Variants in RSPH14 observed in about 807,000 individuals in gnomAD.
The protein encoded by RSPH14 is radial spoke head 14 homolog.
RSPH14 carries 20 observed loss-of-function variants against 26.7 expected under a neutral mutation model. The observed-to-expected ratio is 0.75, with a 90% confidence interval of 0.53 to 1.09. The LOEUF is 1.09. Ranked by LOEUF, RSPH14 falls within the 50% of genes least tolerant of loss-of-function variation. The pLI, the probability that RSPH14 is intolerant of heterozygous loss-of-function variation, is 0.00. For synonymous variants in RSPH14, 177 were observed against 189.3 expected, an observed-to-expected ratio of 0.93 and a Z score of 0.53; for missense variants, 449 against 457.2, an observed-to-expected ratio of 0.98 and a Z score of 0.16.
chr22:23,141,958 C>G lies in RSPH14; in HGVS notation c.-62G>C, dbSNP rs925354644. On this transcript the variant is annotated 5_prime_UTR_variant, in exon 1 of 7. Coordinates refer to ENST00000216036, the MANE Select transcript of RSPH14 (RefSeq NM_014433.3). ...ACCACCGCCGCCTCACCTGCCTCCG[C>G]AGCCCTTTCTGCTTCCAGTAGCCCG... 3.0e-6 allele frequency: 3 copies of G among 985,578 alleles called. No homozygotes were observed. In the East Asian group the frequency reaches 3.4e-4, roughly 112 times the overall value. The allele number at this position is 985,578 out of a possible 1,614,324, so 61.1% of individuals were successfully genotyped here.
At chr22:23,125,901 C>T (rs755697838) in intron 4 of RSPH14, among the ~76,000 whole-genome samples, 2 of 151,894 alleles carry the variant, frequency 1.3e-5, no homozygotes, top group Non-Finnish European at 2.9e-5. Flanking sequence ...AGTGGGGGGT[C>T]GGCAGGCACA....
the RSPH14 span, among the ~76,000 whole-genome samples, chr22:23,160,301 G>A: frequency 6.6e-6 from 1 of 152,162 alleles, no homozygotes; most frequent in Admixed American, 6.6e-5. Context: ...TTCACCGACA[G>A]CTCACTATGG....
intron 4 of RSPH14, among the ~76,000 whole-genome samples, chr22:23,066,831 C>T (rs2146220907): frequency 6.6e-6 from 1 of 152,224 alleles, no homozygotes; most frequent in South Asian, 2.1e-4. Context: ...CCAGAGCAGG[C>T]CAGGCTCTGG....
chr22:23,119,672 A>G (rs949453124), intron 4 of RSPH14, among the ~76,000 whole-genome samples: 2 of 152,240 alleles, frequency 1.3e-5, no homozygotes, highest in African/African-American at 4.8e-5. Flanking sequence ...GTGAAGGCTC[A>G]GCCTGCGTCA....
chr22:23,167,775 C>T, the RSPH14 span, among the ~76,000 whole-genome samples: 18 of 151,978 alleles, frequency 1.2e-4, no homozygotes, highest in Non-Finnish European at 2.4e-4. Context: ...CTCAAACTCC[C>T]GGTCTCAAGC....
chr22:23,134,869 G>T (rs756867850), intron 3 of RSPH14, among the ~76,000 whole-genome samples: 3 of 150,856 alleles, frequency 2.0e-5, no homozygotes, highest in Non-Finnish European at 3.0e-5. Flanking sequence ...TCTCAAAAAA[G>T]ACAAAAAAAA....
chr22:23,113,985 C>G (rs1484535180), intron 4 of RSPH14, among the ~76,000 whole-genome samples: 1 of 152,246 alleles, frequency 6.6e-6, no homozygotes, highest in Non-Finnish European at 1.5e-5. Flanking sequence ...CAAGGTGTCC[C>G]CAAGCTTCCA....
upstream of RSPH14, among the ~76,000 whole-genome samples, chr22:23,148,807 A>AG (rs1053992656): frequency 1.1e-4 from 17 of 152,200 alleles, no homozygotes; most frequent in African/African-American, 3.9e-4. Context: ...TGTCTGAGCC[A>AG]GTCCCTAGCT....
the RSPH14 span, among the ~76,000 whole-genome samples, chr22:23,165,239 A>G: frequency 6.6e-6 from 1 of 152,204 alleles, no homozygotes; most frequent in Admixed American, 6.5e-5. Flanking sequence ...AAACAAGACC[A>G]TGTTCCCAGC....
intron 4 of RSPH14, among the ~76,000 whole-genome samples, chr22:23,133,165 T>C (rs2070394714): frequency 6.6e-6 from 1 of 152,226 alleles, no homozygotes; most frequent in Non-Finnish European, 1.5e-5. Context: ...ATAGCCACTC[T>C]ATTCTTGGTA....
intron 4 of RSPH14, among the ~76,000 whole-genome samples, chr22:23,091,814 G>T (rs937412823): frequency 6.6e-6 from 1 of 152,250 alleles, no homozygotes; most frequent in African/African-American, 2.4e-5. Flanking sequence ...CAAGGGCTCA[G>T]TTGGACTTCT....
the RSPH14 span, among the ~76,000 whole-genome samples, chr22:23,158,215 T>A: frequency 1.3e-5 from 2 of 152,166 alleles, no homozygotes; most frequent in African/African-American, 4.8e-5. Flanking sequence ...CCTTTATCGC[T>A]TGAGATTTGT....
At chr22:23,171,706 G>A in the RSPH14 span, among the ~76,000 whole-genome samples, 6 of 152,082 alleles carry the variant, frequency 3.9e-5, 1 homozygote, top group African/African-American at 7.2e-5. Context: ...GCCAGGCGTG[G>A]TGGCACGTGC....
At chr22:23,178,253 A>G in the RSPH14 span, among the ~76,000 whole-genome samples, 6 of 152,132 alleles carry the variant, frequency 3.9e-5, no homozygotes, top group Non-Finnish European at 8.8e-5. Context: ...CGTCTCTACT[A>G]AAAATACAAA....
chr22:23,146,063 C>T, upstream of RSPH14: 1 of 967,740 alleles, frequency 1.0e-6, no homozygotes, highest in Non-Finnish European at 1.2e-6. Context: ...CCTTGGTAGA[C>T]ACCTGTCAAG....
intron 4 of RSPH14, among the ~76,000 whole-genome samples, chr22:23,073,780 T>C (rs1375191602): frequency 6.6e-6 from 1 of 152,200 alleles, no homozygotes; most frequent in Non-Finnish European, 1.5e-5. Context: ...GCCTGCTGCA[T>C]GCCAGGCACT....
At chr22:23,141,872 G>T in intron 1 of RSPH14, 77 bp downstream of exon 1, 2 of 557,146 alleles carry the variant, frequency 3.6e-6, no homozygotes, top group Non-Finnish European at 2.3e-6. Context: ...GTGGGGACAC[G>T]GCCCCGTGTG....
chr22:23,153,909 G>A, the RSPH14 span, among the ~76,000 whole-genome samples: 1 of 151,858 alleles, frequency 6.6e-6, no homozygotes, highest in Non-Finnish European at 1.5e-5. Flanking sequence ...TGCTGATCTC[G>A]AACTCCTGAC....
intron 4 of RSPH14, among the ~76,000 whole-genome samples, chr22:23,074,095 G>A (rs2068447208): frequency 6.6e-6 from 1 of 152,150 alleles, no homozygotes; most frequent in African/African-American, 2.4e-5. Context: ...GGGGTGTCAG[G>A]GCCAGGTCCT....
Sources: allele counts gnomAD v4.1 joint callset (sites outside exome capture counted in the v4.1 genomes callset), GRCh38; gene constraint gnomAD v4.1.1; transcripts MANE v1.5; gene names NCBI Gene and HGNC (gene_info 2026-07-23, HGNC 2026-07-21).